GABRB3: variants seen among roughly 807,000 people sequenced by gnomAD.
GABRB3 encodes gamma-aminobutyric acid receptor subunit beta-3.
In GABRB3, 14 loss-of-function variants were observed where a neutral mutation model predicts 52.1. The observed-to-expected ratio is 0.27, with a 90% CI of 0.18 to 0.42. The LOEUF (loss-of-function observed/expected upper bound fraction) is 0.42, where lower values mean the gene tolerates loss of function less well. GABRB3 is among the 10% of genes least tolerant of loss of function. The probability of loss-of-function intolerance (pLI) is 1.00; values close to 1 mark genes in which losing one functional copy is unlikely to be tolerated. For synonymous variants in GABRB3, 260 were observed against 232.3 expected, an observed-to-expected ratio of 1.12 and a Z score of -1.08; for missense variants, 307 against 609.1, an observed-to-expected ratio of 0.50 and a Z score of 5.22.
intron 3 of GABRB3, among the ~76,000 whole-genome samples, chr15:26,698,492 T>C (rs1223852555): frequency 6.6e-6 from 1 of 152,082 alleles, no homozygotes; most frequent in Non-Finnish European, 1.5e-5. Flanking sequence ...ATAAACAACA[T>C]TGTGACAAGG....
At chr15:26,650,106 C>G (rs1887150961) in intron 3 of GABRB3, among the ~76,000 whole-genome samples, 1 of 152,144 alleles carries the variant, frequency 6.6e-6, no homozygotes, top group Non-Finnish European at 1.5e-5. Context: ...GGAATAATCA[C>G]CACGCCAAGG....
At chr15:26,742,905 T>C (rs1890246104) in intron 3 of GABRB3, among the ~76,000 whole-genome samples, 1 of 149,854 alleles carries the variant, frequency 6.7e-6, no homozygotes, top group Admixed American at 6.6e-5. Context: ...CCTCACCTTA[T>C]CATTAGCCAT....
At chr15:26,583,778 ATTT>A (rs572548858) in intron 4 of GABRB3, among the ~76,000 whole-genome samples, 1 of 140,932 alleles carries the variant, frequency 7.1e-6, no homozygotes. Context: ...TGTATCACCT[ATTT>A]TTTTTTTTTT....
chr15:26,633,891 G>A (rs1018957638), intron 3 of GABRB3, among the ~76,000 whole-genome samples: 1 of 152,192 alleles, frequency 6.6e-6, no homozygotes, highest in African/African-American at 2.4e-5. Flanking sequence ...AAAGAACTTT[G>A]AGCGTTAGCC....
In GABRB3 at chr15:26,621,217, G is replaced by T; in HGVS notation, c.461+97C>A. The T allele has an allele frequency of 1.0e-6, 1 of 973,416 alleles. No individual in the cohort carries two copies. The highest frequency in any genetic ancestry group is 1.7e-6 in the Non-Finnish European group (1 of 599,104). 60.3% of individuals were successfully genotyped at this position (973,416 alleles called of 1,614,324 possible). ...TTCATAGATGCTTCCTAATTTATCTGAGGTCATTGCCTCACTTACAATAAT... is the reference window on the plus strand; with the variant it reads ...TTCATAGATGCTTCCTAATTTATCTTAGGTCATTGCCTCACTTACAATAAT... On this transcript the variant is annotated intron_variant, in intron 4 of 8. Coordinates refer to ENST00000311550, the MANE Select transcript of GABRB3 (RefSeq NM_000814.6). This position sits in a 1 kb window ranked among gnomAD's most constrained non-coding sequence, Gnocchi z 4.1.
chr15:26,587,992 C>CT (rs926440698), intron 4 of GABRB3, among the ~76,000 whole-genome samples: 1 of 151,778 alleles, frequency 6.6e-6, no homozygotes, highest in Non-Finnish European at 1.5e-5. Context: ...CAGTAGGTTC[C>CT]TTTTTTTTCT....
intron 3 of GABRB3, among the ~76,000 whole-genome samples, chr15:26,711,830 G>A (rs190156875): frequency 1.3e-5 from 2 of 152,340 alleles, no homozygotes; most frequent in South Asian, 2.1e-4. Context: ...TTCACAATGC[G>A]ATCTTAACAC....
chr15:26,644,957 C>A (rs1344520563), intron 3 of GABRB3, among the ~76,000 whole-genome samples: 1 of 152,202 alleles, frequency 6.6e-6, no homozygotes, highest in Non-Finnish European at 1.5e-5. Flanking sequence ...ATGTCTCCAA[C>A]ACAAAGCTAC....
intron 3 of GABRB3, among the ~76,000 whole-genome samples, chr15:26,656,779 A>G (rs1887386191): frequency 6.6e-6 from 1 of 152,210 alleles, no homozygotes; most frequent in Non-Finnish European, 1.5e-5. Flanking sequence ...ATCTGTGGAA[A>G]AAAGTGTCTT....
chr15:26,548,246 T>C (rs1889334458), intron 8 of GABRB3, 112 bp from the exon 9 acceptor site: 1 of 864,078 alleles, frequency 1.2e-6, no homozygotes, highest in Non-Finnish European at 2.0e-6. Context: ...TACGAGAAAC[T>C]GTACATCTGT....
chr15:26,600,396 A>T (rs1566767273), intron 4 of GABRB3, among the ~76,000 whole-genome samples: 1 of 152,152 alleles, frequency 6.6e-6, no homozygotes, highest in African/African-American at 2.4e-5. Flanking sequence ...TCACCAATCA[A>T]ATTCAACCCC....
At chr15:26,764,289 T>C (rs1014129604) in intron 3 of GABRB3, among the ~76,000 whole-genome samples, 7 of 143,460 alleles carry the variant, frequency 4.9e-5, no homozygotes, top group African/African-American at 1.8e-4. Context: ...GGAATTCTTT[T>C]ATTGTAGAAC....
chr15:26,613,919 C>G (rs1892165608), intron 4 of GABRB3: 1 of 152,204 alleles, frequency 6.6e-6, no homozygotes, highest in Non-Finnish European at 1.5e-5. Flanking sequence ...ACATAACCAT[C>G]TAGACACAGT....
At chr15:26,654,716 G>A (rs992274836) in intron 3 of GABRB3, among the ~76,000 whole-genome samples, 6 of 152,134 alleles carry the variant, frequency 3.9e-5, no homozygotes, top group East Asian at 1.9e-4. Flanking sequence ...ACCTGTGACC[G>A]TGCCACTGCA....
chr15:26,687,933 T>TAC (rs1888458453), intron 3 of GABRB3, among the ~76,000 whole-genome samples: 1 of 152,226 alleles, frequency 6.6e-6, no homozygotes, highest in South Asian at 2.1e-4. Flanking sequence ...TACTGAATCT[T>TAC]AGTAACTTTC....
intron 3 of GABRB3, among the ~76,000 whole-genome samples, chr15:26,622,008 A>T (rs1892501948): frequency 6.6e-6 from 1 of 152,150 alleles, no homozygotes; most frequent in African/African-American, 2.4e-5. Flanking sequence ...GGCTATAAAT[A>T]CAAACCTTCC....
chr15:26,622,064 C>A (rs368759555), intron 3 of GABRB3, among the ~76,000 whole-genome samples: 1 of 152,122 alleles, frequency 6.6e-6, no homozygotes, highest in Non-Finnish European at 1.5e-5. Context: ...GGTCTCCATG[C>A]CCTACCTATT....
At chr15:26,704,589 T>C (rs1205246243) in intron 3 of GABRB3, among the ~76,000 whole-genome samples, 1 of 149,276 alleles carries the variant, frequency 6.7e-6, no homozygotes, top group Non-Finnish European at 1.5e-5. Context: ...TCTTTAAATA[T>C]TTCTCTCTTC....
At chr15:26,638,857 G>A (rs574032724) in intron 3 of GABRB3, among the ~76,000 whole-genome samples, 25 of 152,056 alleles carry the variant, frequency 1.6e-4, no homozygotes, top group East Asian at 5.8e-4. Context: ...AGAAACATGC[G>A]CATGTGTGCT....
Sources: allele counts gnomAD v4.1 joint callset (sites outside exome capture counted in the v4.1 genomes callset), GRCh38; gene constraint gnomAD v4.1.1; non-coding constraint Gnocchi (gnomAD v3.1); transcripts MANE v1.5; gene names NCBI Gene and HGNC (gene_info 2026-07-23, HGNC 2026-07-21).